The following PTGES variants were observed in gnomAD, a reference collection of about 807,000 sequenced individuals.
PTGES encodes the protein prostaglandin E synthase, also known as MGST1-like 1.
Under a neutral mutation model 11.8 loss-of-function variants are expected in PTGES, and 3 were observed. The observed-to-expected ratio is 0.25, with a 90% CI of 0.12 to 0.66. PTGES has a LOEUF of 0.66. Ranked by LOEUF, PTGES falls within the 30% of genes least tolerant of loss-of-function variation. The pLI, the probability that PTGES is intolerant of heterozygous loss-of-function variation, is 0.82. For missense variants in PTGES, 180 were observed against 213.0 expected, an observed-to-expected ratio of 0.85 and a Z score of 0.96; for synonymous variants, 94 against 90.4, an observed-to-expected ratio of 1.04 and a Z score of -0.22.
intron 2 of PTGES, among the ~76,000 whole-genome samples, chr9:129,748,239 A>G (rs1462107577): frequency 1.3e-5 from 2 of 148,258 alleles, no homozygotes; most frequent in Non-Finnish European, 3.0e-5. Context: ...AAAAAAAAAA[A>G]GCATAGTACA....
rs1008895069 is a variant in PTGES, at chr9:129,745,153, C to T, written c.209+3502G>A. 2.0e-5 allele frequency among the ~76,000 whole-genome samples: 3 copies of T among 150,146 alleles called. No homozygotes were observed. The highest frequency in any genetic ancestry group is 4.1e-4 in the East Asian group (2 of 4,910). On this transcript the variant is annotated intron_variant, in intron 2 of 2. Coordinates refer to ENST00000340607, the MANE Select transcript of PTGES (RefSeq NM_004878.5). This position sits in a 1 kb window ranked among gnomAD's most constrained non-coding sequence, Gnocchi z 4.2. ...AAACAGAAATGCTCCAAGCTTAGGT[C>T]GCACGTTTGCCTCTCTTCTTTGGGA...
chr9:129,749,882 A>C (rs1833086989), intron 1 of PTGES, among the ~76,000 whole-genome samples: 1 of 152,182 alleles, frequency 6.6e-6, no homozygotes. Flanking sequence ...TCCTGGCAGC[A>C]CCTGAAGAAT....
rs890173315 is a variant in PTGES at position 129,748,533 on chromosome 9, A to G, written c.209+122T>C. The G allele has an allele frequency of 5.8e-6, 4 of 688,020 alleles. No homozygotes were observed. In the African/African-American group the frequency reaches 7.7e-5, roughly 13 times the overall value. The allele number at this position is 688,020 out of a possible 1,614,324, so 42.6% of individuals were successfully genotyped here. ...ATTGAATAAAGTAAAACAGTCAGAG[A>G]AGATCAGGAACACAGAAAACCTCAG... On this transcript the variant is annotated intron_variant, in intron 2 of 2. Coordinates refer to ENST00000340607, the MANE Select transcript of PTGES (RefSeq NM_004878.5).
At chr9:129,750,300 G>A (rs1344677156) in intron 1 of PTGES, among the ~76,000 whole-genome samples, 1 of 152,214 alleles carries the variant, frequency 6.6e-6, no homozygotes, top group Non-Finnish European at 1.5e-5. Context: ...CCCAAGGGCT[G>A]GTTTGTCCTC....
chr9:129,741,610 C>T lies in PTGES; in HGVS notation c.210-1750G>A, dbSNP rs375072680. 2.9e-4 allele frequency among the ~76,000 whole-genome samples: 44 copies of T among 152,296 alleles called. No homozygotes were observed. In the East Asian group the frequency reaches 7.7e-3, roughly 27 times the overall value. On this transcript the variant is annotated intron_variant, in intron 2 of 2. Coordinates refer to ENST00000340607, the MANE Select transcript of PTGES (RefSeq NM_004878.5). ...TGGATAGATCCTGGGGTACTGCCCT[C>T]AGGGAAGACATAAGAGGGAGATTAC...
At chr9:129,748,215 T>TAAA (rs67000610) in intron 2 of PTGES, among the ~76,000 whole-genome samples, 43 of 70,962 alleles carry the variant, frequency 6.1e-4, no homozygotes, top group Non-Finnish European at 9.0e-4. Flanking sequence ...GTTGCCATAT[T>TAAA]AAAAAAAAAA....
intron 1 of PTGES, among the ~76,000 whole-genome samples, chr9:129,750,729 G>T (rs953877486): frequency 6.6e-6 from 1 of 152,186 alleles, no homozygotes; most frequent in Non-Finnish European, 1.5e-5. Flanking sequence ...CATTGGTGGG[G>T]CGTTGCATTC....
Position 129,738,470 on chromosome 9 carries a change from C to G in PTGES, c.*1141G>C, listed in dbSNP as rs1832956262. 2 of 151,320 alleles carry G rather than the reference C, an allele frequency of 1.3e-5. No homozygotes were observed. Among genetic ancestry groups the G allele is most frequent in the South Asian group, 2.1e-4 (1 of 4,770 alleles). 9.4% of individuals were successfully genotyped at this position (151,320 alleles called of 1,614,324 possible). A position where few individuals can be genotyped will look rare whatever the true frequency, so the allele number is the denominator to read the frequency against. ...ACACACACACACACGGATTCCCCAT[C>G]AAGGGGACATTTGCAGTTTCCAAAC... is the stretch of plus-strand genomic sequence containing the variant. On this transcript the variant is annotated 3_prime_UTR_variant, in exon 3 of 3. Transcript: ENST00000340607. This position sits in a 1 kb window ranked among gnomAD's most constrained non-coding sequence, Gnocchi z 4.2.
At chr9:129,744,820 C>T (rs1044420766) in intron 2 of PTGES, among the ~76,000 whole-genome samples, 1 of 151,134 alleles carries the variant, frequency 6.6e-6, no homozygotes, top group Non-Finnish European at 1.5e-5. Context: ...GAGGTTGCAG[C>T]AAGCCGAAAC....
chr9:129,743,994 G>A (rs1227919043), intron 2 of PTGES, among the ~76,000 whole-genome samples: 3 of 152,152 alleles, frequency 2.0e-5, no homozygotes, highest in Non-Finnish European at 2.9e-5. Flanking sequence ...GACTACAGGC[G>A]AGCCCCACCA....
chr9:129,749,956 C>T (rs920658), intron 1 of PTGES, among the ~76,000 whole-genome samples: 14,411 of 152,196 alleles, frequency 0.095, 748 homozygotes, highest in East Asian at 0.19. Flanking sequence ...CCCAGCTCCG[C>T]GCTGATTAAC....
intron 1 of PTGES, among the ~76,000 whole-genome samples, chr9:129,752,311 G>T (rs946070690): frequency 1.3e-5 from 2 of 152,224 alleles, no homozygotes; most frequent in African/African-American, 4.8e-5. Flanking sequence ...GACGCTACTG[G>T]AACTTGCCCC....
chr9:129,740,105 A>T (rs961088448), intron 2 of PTGES, among the ~76,000 whole-genome samples: 2 of 151,990 alleles, frequency 1.3e-5, no homozygotes, highest in African/African-American at 4.8e-5. Context: ...TGGGAGTCAG[A>T]GGGCTACTGG....
chr9:129,739,458 G>A lies in PTGES; in HGVS notation c.*153C>T, dbSNP rs905713788. ...TACACACACACGGGCACACACACAG[G>A]CCCACTGTGCCCAGAGACCCACACG... is the stretch of plus-strand genomic sequence containing the variant. On this transcript the variant is annotated 3_prime_UTR_variant, in exon 3 of 3. Coordinates refer to ENST00000340607, the MANE Select transcript of PTGES (RefSeq NM_004878.5). The surrounding 1 kb of genome is among the most constrained non-coding windows in gnomAD (Gnocchi z 5.7). 1.3e-5 allele frequency: 13 copies of A among 1,034,286 alleles called. No homozygotes were observed. The African/African-American group carries it at 2.0e-4, about 16-fold the overall frequency. 64.1% of individuals were successfully genotyped at this position (1,034,286 alleles called of 1,614,324 possible). A position where few individuals can be genotyped will look rare whatever the true frequency, so the allele number is the denominator to read the frequency against.
chr9:129,752,080 C>T (rs1020887302), intron 1 of PTGES, among the ~76,000 whole-genome samples: 2 of 152,236 alleles, frequency 1.3e-5, no homozygotes, highest in African/African-American at 4.8e-5. Flanking sequence ...CCAAGATCCT[C>T]ACTCCCCAGG....
At chr9:129,744,374 A>G (rs192009026) in intron 2 of PTGES, among the ~76,000 whole-genome samples, 2 of 152,228 alleles carry the variant, frequency 1.3e-5, no homozygotes, top group South Asian at 2.1e-4. Flanking sequence ...TGCTGGAATC[A>G]GCCTGAGCAA....
At chr9:129,752,592 A>C (rs1439272176) in intron 1 of PTGES, among the ~76,000 whole-genome samples, 3 of 152,202 alleles carry the variant, frequency 2.0e-5, no homozygotes, top group Non-Finnish European at 4.4e-5. Flanking sequence ...TCACGCTCCC[A>C]CACTCCACCC....
At chr9:129,744,433 G>A (rs1833030557) in intron 2 of PTGES, among the ~76,000 whole-genome samples, 2 of 152,066 alleles carry the variant, frequency 1.3e-5, no homozygotes, top group Admixed American at 6.5e-5. Flanking sequence ...AAATTAGCCA[G>A]GCATGGTGGC....
chr9:129,743,827 T>G (rs1267864811), intron 2 of PTGES, among the ~76,000 whole-genome samples: 1 of 152,136 alleles, frequency 6.6e-6, no homozygotes, highest in Non-Finnish European at 1.5e-5. Context: ...GGAAAGTGCT[T>G]ACAACACTCC....
Sources: gnomAD v4.1 joint callset for allele counts (sites outside exome capture counted in the v4.1 genomes callset) on GRCh38, gnomAD v4.1.1 for gene constraint, Gnocchi (gnomAD v3.1) non-coding constraint, MANE v1.5 for transcripts, NCBI Gene and HGNC (gene_info 2026-07-23, HGNC 2026-07-21) for gene names.